Variants in NRXN1 observed in about 807,000 individuals in gnomAD.
The protein encoded by NRXN1 is neurexin 1, also known as neurexin-1.
NRXN1 carries 39 observed loss-of-function variants against 150.9 expected under a neutral mutation model. That is an observed-to-expected ratio of 0.26 (90% confidence interval 0.20 to 0.34). NRXN1 has a LOEUF of 0.34. Ranked by LOEUF, NRXN1 falls within the 10% of genes least tolerant of loss-of-function variation. The pLI is 1.00. For synonymous variants in NRXN1, 924 were observed against 757.0 expected (o/e 1.22, Z -3.62); for missense variants, 1,815 against 1,949.9 (o/e 0.93, Z 1.30).
chr2:50,839,977 T>C (rs1272741122), intron 5 of NRXN1, among the ~76,000 whole-genome samples: 1 of 152,168 alleles, frequency 6.6e-6, no homozygotes, highest in East Asian at 1.9e-4. Context: ...GGCTGAAAGC[T>C]TTAAATCCTA....
At chr2:50,821,579 A>G (rs1669732191) in intron 5 of NRXN1, among the ~76,000 whole-genome samples, 1 of 152,192 alleles carries the variant, frequency 6.6e-6, no homozygotes, top group Non-Finnish European at 1.5e-5. Flanking sequence ...GCACCATAGA[A>G]GTGCAAGCTG....
intron 5 of NRXN1, among the ~76,000 whole-genome samples, chr2:50,784,296 C>T (rs947325629): frequency 3.3e-5 from 5 of 152,004 alleles, no homozygotes; most frequent in Admixed American, 2.6e-4. Flanking sequence ...AATGCTTTTA[C>T]TATGCCATCC....
Position 49,919,408 on chromosome 2 carries a change from TG to T in NRXN1, c.*2535del, listed in dbSNP as rs933139269. ...TTGCATGTAACTTTAAAATTTACGC[TG>T]GGGAGAAACATTGAAATCAATCCCA... On this transcript the variant is annotated 3_prime_UTR_variant, in exon 23 of 23. Transcript: ENST00000401669. 1.3e-5 allele frequency: 2 copies of T among 152,104 alleles called. No homozygotes were observed. Among genetic ancestry groups the T allele is most frequent in the African/African-American group, 2.4e-5 (1 of 41,442 alleles). The allele number at this position is 152,104 out of a possible 1,614,324, so 9.4% of individuals were successfully genotyped here.
intron 17 of NRXN1, among the ~76,000 whole-genome samples, chr2:50,402,295 G>T (rs555086595): frequency 2.8e-4 from 42 of 151,520 alleles, no homozygotes; most frequent in South Asian, 4.2e-4. Flanking sequence ...TTTTTTGTTG[G>T]TTTTTTTAAA....
At chr2:50,713,344 G>A (rs557326307) in intron 5 of NRXN1, among the ~76,000 whole-genome samples, 1 of 151,772 alleles carries the variant, frequency 6.6e-6, no homozygotes, top group African/African-American at 2.4e-5. Flanking sequence ...AATTACAATG[G>A]CTAGCCCTGG....
intron 18 of NRXN1, among the ~76,000 whole-genome samples, chr2:50,213,805 C>T (rs2063200748): frequency 6.6e-6 from 1 of 151,842 alleles, no homozygotes; most frequent in African/African-American, 2.4e-5. Flanking sequence ...TCATCAACTT[C>T]TTGTTCAACT....
At chr2:49,994,349 A>G (rs935509155) in intron 21 of NRXN1, among the ~76,000 whole-genome samples, 1 of 152,206 alleles carries the variant, frequency 6.6e-6, no homozygotes, top group South Asian at 2.1e-4. Flanking sequence ...GGTATGTTTG[A>G]AGCAATATGA....
chr2:50,503,855 C>T (rs1254177227), intron 13 of NRXN1, among the ~76,000 whole-genome samples: 2 of 152,056 alleles, frequency 1.3e-5, no homozygotes, highest in African/African-American at 4.8e-5. Context: ...AGAAACTGGA[C>T]AACATGTTGA....
chr2:49,982,989 A>C (rs570400521), intron 21 of NRXN1, among the ~76,000 whole-genome samples: 3 of 152,232 alleles, frequency 2.0e-5, no homozygotes, highest in African/African-American at 7.2e-5. Context: ...TGTCTTTTCT[A>C]TCTGGGGACG....
intron 2 of NRXN1, among the ~76,000 whole-genome samples, chr2:50,990,273 T>C (rs1698351795): frequency 1.3e-5 from 2 of 152,022 alleles, no homozygotes. Flanking sequence ...ATTTCTCAAA[T>C]GCACCTTTGA....
chr2:49,987,293 T>C (rs1681092932), intron 21 of NRXN1, among the ~76,000 whole-genome samples: 1 of 152,110 alleles, frequency 6.6e-6, no homozygotes, highest in Admixed American at 6.6e-5. Flanking sequence ...ATTTTGAAAA[T>C]AATTTTGACC....
intron 5 of NRXN1, among the ~76,000 whole-genome samples, chr2:50,690,824 CA>C (rs906843764): frequency 1.3e-5 from 2 of 152,154 alleles, no homozygotes; most frequent in Non-Finnish European, 2.9e-5. Flanking sequence ...CTTCTCCAAA[CA>C]CACACAGATA....
intron 5 of NRXN1, among the ~76,000 whole-genome samples, chr2:50,876,515 T>C (rs886627768): frequency 2.0e-5 from 3 of 151,844 alleles, no homozygotes; most frequent in Admixed American, 6.6e-5. Flanking sequence ...GGGCCTGATG[T>C]AAAATAAGGA....
At chr2:50,530,299 C>T (rs891963393) in intron 11 of NRXN1, among the ~76,000 whole-genome samples, 2 of 152,074 alleles carry the variant, frequency 1.3e-5, no homozygotes, top group Non-Finnish European at 2.9e-5. Flanking sequence ...GGGAAGAAAA[C>T]TGATTTCCAA....
At chr2:50,362,599 C>T (rs915055006) in intron 17 of NRXN1, among the ~76,000 whole-genome samples, 1 of 152,094 alleles carries the variant, frequency 6.6e-6, no homozygotes, top group African/African-American at 2.4e-5. Context: ...AGAGAGGACA[C>T]AAACAAATGG....
At chr2:50,681,467 G>A (rs978154208) in intron 5 of NRXN1, among the ~76,000 whole-genome samples, 1 of 152,150 alleles carries the variant, frequency 6.6e-6, no homozygotes, top group African/African-American at 2.4e-5. Flanking sequence ...TGGAGGACAG[G>A]AGCAAAAGGG....
intron 5 of NRXN1, among the ~76,000 whole-genome samples, chr2:50,867,915 G>A (rs1558799): frequency 0.054 from 8,115 of 151,536 alleles, 256 homozygotes; most frequent in Non-Finnish European, 0.072. Flanking sequence ...TGTAGAACAA[G>A]ATGCACTTTT....
At chr2:50,023,899 C>G (rs1436968564) in intron 21 of NRXN1, 3 of 152,150 alleles carry the variant, frequency 2.0e-5, no homozygotes, top group Non-Finnish European at 4.4e-5. Context: ...AAAATTAAAA[C>G]ATTATTAACA....
At chr2:49,974,288 C>G (rs1474697224) in intron 21 of NRXN1, 3 of 552,150 alleles carry the variant, frequency 5.4e-6, no homozygotes, top group African/African-American at 3.8e-5. Flanking sequence ...CTGCAGTTGA[C>G]GAGGCTGTTG....
Sources: gnomAD v4.1 joint callset for allele counts (sites outside exome capture counted in the v4.1 genomes callset) on GRCh38, gnomAD v4.1.1 for gene constraint, MANE v1.5 for transcripts, NCBI Gene and HGNC (gene_info 2026-07-23, HGNC 2026-07-21) for gene names.